The following FCHSD2 variants were observed in gnomAD, a reference collection of about 807,000 sequenced individuals.
FCHSD2 encodes the protein FCH and double SH3 domains 2.
In FCHSD2, 38 loss-of-function variants were observed where a neutral mutation model predicts 108.1. The ratio of observed to expected loss-of-function variants is 0.35; its 90% confidence interval spans 0.27 to 0.46. The LOEUF (loss-of-function observed/expected upper bound fraction) is 0.46. Among genes scored for constraint, FCHSD2 ranks in the 20% least tolerant of loss-of-function variants. FCHSD2 has a pLI of 1.00. For missense variants in FCHSD2, 751 were observed against 897.8 expected, an observed-to-expected ratio of 0.84 and a Z score of 2.09; for synonymous variants, 279 against 314.7, an observed-to-expected ratio of 0.89 and a Z score of 1.20.
intron 19 of FCHSD2, 34 bp from the exon 20 acceptor site, chr11:72,838,908 A>G: frequency 1.3e-6 from 2 of 1,569,448 alleles, no homozygotes; most frequent in Non-Finnish European, 1.7e-6. Context: ...TTTGTCAGTC[A>G]GTTCCTGACT....
At chr11:72,963,496 C>T (rs1227356645) in intron 8 of FCHSD2, among the ~76,000 whole-genome samples, 2 of 152,184 alleles carry the variant, frequency 1.3e-5, no homozygotes, top group Non-Finnish European at 2.9e-5. Flanking sequence ...CTCAAAAAAA[C>T]TTCTCTTCTT....
At chr11:73,082,492 G>A (rs1043123396) in intron 3 of FCHSD2, among the ~76,000 whole-genome samples, 15 of 151,938 alleles carry the variant, frequency 9.9e-5, no homozygotes, top group African/African-American at 3.4e-4. Context: ...TAGCTTTCAA[G>A]GAATAGGTGA....
chr11:72,887,605 C>T, intron 11 of FCHSD2, 31 bp from the exon 12 acceptor site: 2 of 1,338,630 alleles, frequency 1.5e-6, no homozygotes, highest in South Asian at 1.4e-5. Flanking sequence ...ATAATGATGA[C>T]TGTTTTTTAC....
intron 3 of FCHSD2, among the ~76,000 whole-genome samples, chr11:73,042,111 G>A (rs1259422360): frequency 6.6e-6 from 1 of 152,034 alleles, no homozygotes. Flanking sequence ...ATTTTTAGTA[G>A]AGACAGGGTT....
At chr11:73,057,656 G>A (rs996317646) in intron 3 of FCHSD2, among the ~76,000 whole-genome samples, 5 of 152,120 alleles carry the variant, frequency 3.3e-5, no homozygotes, top group East Asian at 3.9e-4. Context: ...CAGTCACCAC[G>A]AGATATGCCA....
intron 10 of FCHSD2, among the ~76,000 whole-genome samples, chr11:72,894,765 G>A (rs901655979): frequency 6.6e-6 from 1 of 152,074 alleles, no homozygotes; most frequent in African/African-American, 2.4e-5. Flanking sequence ...AAACTCACTT[G>A]AGCCAAAATG....
At chr11:73,037,678 A>G (rs1475734489) in intron 3 of FCHSD2, among the ~76,000 whole-genome samples, 1 of 152,216 alleles carries the variant, frequency 6.6e-6, no homozygotes, top group Non-Finnish European at 1.5e-5. Flanking sequence ...ATTTAATCAT[A>G]TAAGTCAGAT....
intron 3 of FCHSD2, among the ~76,000 whole-genome samples, chr11:73,038,361 A>G (rs900098813): frequency 1.8e-4 from 27 of 151,772 alleles, no homozygotes; most frequent in African/African-American, 6.5e-4. Flanking sequence ...AAAAAAAAAA[A>G]AGGAAAAGAA....
chr11:73,056,660 T>C (rs947522325), intron 3 of FCHSD2, among the ~76,000 whole-genome samples: 2 of 152,152 alleles, frequency 1.3e-5, no homozygotes, highest in Non-Finnish European at 2.9e-5. Flanking sequence ...CCAGAGACTA[T>C]GCAAAATAGG....
At position 72,844,986 on chromosome 11, in the gene FCHSD2, A is replaced by C. The variant is rs899942534; in HGVS notation, c.1444-1454T>G. ...ACTCTGAAACCACACTATGCCTTGA[A>C]TATGCCAGCAAAAGGCATTTTTGTA... On this transcript the variant is annotated intron_variant, in intron 14 of 19. Coordinates refer to ENST00000409418, the MANE Select transcript of FCHSD2 (RefSeq NM_014824.3). Among the ~76,000 whole-genome samples, 4 of 152,222 alleles carry C rather than the reference A, an allele frequency of 2.6e-5. No homozygotes were observed. In the East Asian group the frequency reaches 5.8e-4, roughly 22 times the overall value.
At chr11:73,141,282 G>C (rs539636312) in intron 1 of FCHSD2, 144 of 153,122 alleles carry the variant, frequency 9.4e-4, no homozygotes, top group Non-Finnish European at 1.8e-3. Context: ...CCCTCAGCCG[G>C]GGACGAGGCA....
chr11:72,952,747 C>A (rs886093854), intron 8 of FCHSD2, among the ~76,000 whole-genome samples: 5 of 152,166 alleles, frequency 3.3e-5, no homozygotes, highest in Admixed American at 6.5e-5. Context: ...TGAATACTTA[C>A]AGAACACCTA....
At chr11:72,885,700 T>A (rs1855182817) in intron 12 of FCHSD2, among the ~76,000 whole-genome samples, 1 of 152,114 alleles carries the variant, frequency 6.6e-6, no homozygotes, top group Non-Finnish European at 1.5e-5. Context: ...ACTGGCTTCA[T>A]CTAGAGTGCG....
At chr11:72,964,079 T>A (rs1856861963) in intron 8 of FCHSD2, among the ~76,000 whole-genome samples, 1 of 152,214 alleles carries the variant, frequency 6.6e-6, no homozygotes, top group Admixed American at 6.5e-5. Flanking sequence ...AATTTATGGA[T>A]GATACAAACA....
intron 12 of FCHSD2, among the ~76,000 whole-genome samples, chr11:72,876,769 A>G (rs768625537): frequency 7.9e-5 from 12 of 151,756 alleles, no homozygotes; most frequent in Non-Finnish European, 1.8e-4. Context: ...GATCCTAAAG[A>G]CTCCTACTAC....
chr11:73,141,710 C>G (rs1861253172), intron 1 of FCHSD2, 147 bp downstream of exon 1: 10 of 837,298 alleles, frequency 1.2e-5, no homozygotes, highest in South Asian at 9.1e-5. Context: ...GCGCCCCCCA[C>G]CTGGAGCCGG....
At chr11:72,917,109 C>G (rs1158733700) in intron 9 of FCHSD2, among the ~76,000 whole-genome samples, 2 of 151,998 alleles carry the variant, frequency 1.3e-5, no homozygotes, top group Non-Finnish European at 1.5e-5. Context: ...CTCAGCCTCC[C>G]AAGCAGCTGG....
At chr11:72,917,941 GC>G (rs1037361748) in intron 9 of FCHSD2, among the ~76,000 whole-genome samples, 1 of 151,654 alleles carries the variant, frequency 6.6e-6, no homozygotes, top group African/African-American at 2.4e-5. Context: ...TGCAAAAAAG[GC>G]CATTGGAATT....
At chr11:73,030,627 C>T (rs908722667) in intron 3 of FCHSD2, among the ~76,000 whole-genome samples, 2 of 152,100 alleles carry the variant, frequency 1.3e-5, no homozygotes, top group Admixed American at 6.6e-5. Flanking sequence ...TTAAAAACCT[C>T]ATTGGAGCTA....
Sources: allele counts gnomAD v4.1 joint callset (sites outside exome capture counted in the v4.1 genomes callset), GRCh38; gene constraint gnomAD v4.1.1; transcripts MANE v1.5; gene names NCBI Gene and HGNC (gene_info 2026-07-23, HGNC 2026-07-21).